The following MUSK variants were observed in gnomAD, a reference collection of about 807,000 sequenced individuals.
The protein encoded by MUSK is muscle associated receptor tyrosine kinase, also known as muscle, skeletal receptor tyrosine-protein kinase.
A neutral mutation model predicts 88.7 loss-of-function variants in MUSK; 55 were observed. The observed-to-expected ratio is 0.62, with a 90% CI of 0.50 to 0.78. MUSK has a LOEUF of 0.78. Ranked by LOEUF, MUSK falls within the 30% of genes least tolerant of loss-of-function variation. MUSK has a pLI of 0.00. For synonymous variants in MUSK, 387 were observed against 391.9 expected (o/e 0.99, Z 0.15); for missense variants, 1,015 against 1,074.3 (o/e 0.94, Z 0.77).
chr9:110,716,166 T>C (rs1049792191), intron 5 of MUSK, among the ~76,000 whole-genome samples: 1 of 149,966 alleles, frequency 6.7e-6, no homozygotes, highest in African/African-American at 2.5e-5. Flanking sequence ...AAAGAAAATA[T>C]TAGCTTGGTG....
At chr9:110,678,494 T>A (rs2076059114) in intron 1 of MUSK, among the ~76,000 whole-genome samples, 1 of 112,838 alleles carries the variant, frequency 8.9e-6, no homozygotes, top group Non-Finnish European at 1.8e-5. Context: ...AAGAGTTTTT[T>A]AAAACTTATC....
chr9:110,738,521 G>T (rs998926246), intron 6 of MUSK, among the ~76,000 whole-genome samples: 5 of 152,090 alleles, frequency 3.3e-5, no homozygotes, highest in African/African-American at 1.2e-4. Flanking sequence ...TAAGTGTCTA[G>T]TCCTAAGTAA....
chr9:110,774,269 A>G (rs1447938601), intron 9 of MUSK, among the ~76,000 whole-genome samples: 1 of 152,098 alleles, frequency 6.6e-6, no homozygotes, highest in Non-Finnish European at 1.5e-5. Context: ...TTTTCAATGA[A>G]GATTGTTAAG....
intron 11 of MUSK, among the ~76,000 whole-genome samples, chr9:110,779,194 C>T (rs552921292): frequency 4.6e-5 from 7 of 151,988 alleles, no homozygotes; most frequent in Non-Finnish European, 1.0e-4. Context: ...GTAACTTTAA[C>T]AGTTATTTAA....
At chr9:110,749,323 G>C (rs1161515622) in intron 7 of MUSK, among the ~76,000 whole-genome samples, 1 of 152,172 alleles carries the variant, frequency 6.6e-6, no homozygotes, top group East Asian at 1.9e-4. Flanking sequence ...AACAAGAGAG[G>C]CAGGATGTCA....
intron 1 of MUSK, among the ~76,000 whole-genome samples, chr9:110,681,036 T>TATATTATA (rs1237778437): frequency 8.9e-5 from 3 of 33,828 alleles, no homozygotes; most frequent in African/African-American, 1.6e-4. Context: ...ATATTATATA[T>TATATTATA]TATATAATAT....
chr9:110,740,604 CAGAT>C (rs1467204475), intron 6 of MUSK, among the ~76,000 whole-genome samples: 5 of 152,016 alleles, frequency 3.3e-5, no homozygotes, highest in Non-Finnish European at 5.9e-5. Flanking sequence ...AACTAAAAAA[CAGAT>C]AGCCTTAAAG....
At position 110,775,848 on chromosome 9, in the gene MUSK, G is replaced by C. The variant is rs558259191; in HGVS notation, c.1245G>C (p.Glu415Asp). ...FCAKEWLVMEEKTHRGLYRSE... is the reference protein window; with the variant it reads ...FCAKEWLVMEDKTHRGLYRSE... The stretch of plus-strand genomic sequence containing the variant: ...CAAAAGAATGGCTGGTAATGGAAGA[G>C]AAGACCCACAGAGGACTCTACAGAT... The change falls in exon 10 of 15, where the codon GAG becomes GAC. Residue 415 changes from glutamate (E) to aspartate (D), a missense_variant. Physicochemically the swap from Glu to Asp is conservative, Grantham distance 45. Transcript: ENST00000374448. The C allele has an allele frequency of 1.8e-5, 29 of 1,613,926 alleles. No homozygotes were observed. The African/African-American group carries it at 2.5e-4, about 14-fold the overall frequency.
intron 9 of MUSK, among the ~76,000 whole-genome samples, chr9:110,774,536 A>G (rs1307515857): frequency 1.3e-5 from 2 of 152,132 alleles, no homozygotes; most frequent in Non-Finnish European, 2.9e-5. Context: ...TTGTTTTCAT[A>G]TGTCCCATAT....
rs140415060 is a variant in MUSK at position 110,768,543 on chromosome 9, A to T, written c.1184+460A>T. 2.0e-5 allele frequency among the ~76,000 whole-genome samples: 3 copies of T among 152,322 alleles called. 1 individual carries two copies. Among genetic ancestry groups the T allele is most frequent in the African/African-American group, 7.2e-5 (3 of 41,586 alleles). ...AATCAGACAATATTTCTACCATATA[A>T]ATCACTAAAGATAACCTAAAATACA... On this transcript the variant is annotated intron_variant, in intron 9 of 14. Transcript: ENST00000374448.
At chr9:110,740,834 A>C (rs962378716) in intron 6 of MUSK, among the ~76,000 whole-genome samples, 2 of 152,160 alleles carry the variant, frequency 1.3e-5, no homozygotes, top group African/African-American at 2.4e-5. Flanking sequence ...CCCTTATTCA[A>C]AGGCGTCTCG....
At chr9:110,683,491 T>C (rs899910501) in intron 2 of MUSK, among the ~76,000 whole-genome samples, 1 of 152,128 alleles carries the variant, frequency 6.6e-6, no homozygotes, top group Admixed American at 6.6e-5. Flanking sequence ...TTTGCTTATA[T>C]ATGCAGCAGT....
chr9:110,736,387 G>A (rs2077030468), intron 6 of MUSK, among the ~76,000 whole-genome samples: 1 of 152,058 alleles, frequency 6.6e-6, no homozygotes, highest in African/African-American at 2.4e-5. Flanking sequence ...AAAGACATTT[G>A]AACAAAGATC....
In MUSK at chr9:110,701,683, TAC is replaced by T. The variant is rs2076509709; in HGVS notation, c.628+4218_628+4219del. On this transcript the variant is annotated intron_variant, in intron 5 of 14. Transcript: ENST00000374448. Reference sequence around the variant, plus strand: ...TTTATTTATTTTATTTTATTTTTTTTACTTTACTTTATTTTATTTTATTTTAT... The same window carrying T: ...TTTATTTATTTTATTTTATTTTTTTTTTTACTTTATTTTATTTTATTTTAT... 2.8e-4 allele frequency among the ~76,000 whole-genome samples: 2 copies of T among 7,054 alleles called. 1 individual carries two copies. Among genetic ancestry groups the T allele is most frequent in the South Asian group, 0.011 (2 of 186 alleles). The allele number at this position is 7,054 out of a possible 152,430, so 4.6% of individuals were successfully genotyped here.
In MUSK at chr9:110,692,344, C is replaced by CT. The variant is rs764256704; in HGVS notation, c.359-3051dup. Among the ~76,000 whole-genome samples the CT allele has an allele frequency of 1.1e-4, 16 of 151,588 alleles. No individual in the cohort carries two copies. In the East Asian group the frequency reaches 1.2e-3, roughly 11 times the overall value. ...CAGGCTACTTTTATTTATTTATTTACTTTTTTTTGGTAGAGATAAGTTCTC... is the reference window on the plus strand; with the variant it reads ...CAGGCTACTTTTATTTATTTATTTACTTTTTTTTTGGTAGAGATAAGTTCTC... On this transcript the variant is annotated intron_variant, in intron 3 of 14. Transcript: ENST00000374448.
intron 14 of MUSK, among the ~76,000 whole-genome samples, chr9:110,788,303 A>G (rs1029326943): frequency 1.3e-5 from 2 of 152,180 alleles, no homozygotes; most frequent in African/African-American, 2.4e-5. Flanking sequence ...TTTAGTTTGT[A>G]TTAATTACAC....
At chr9:110,725,252 G>A (rs759149399) in intron 5 of MUSK, among the ~76,000 whole-genome samples, 72 of 151,982 alleles carry the variant, frequency 4.7e-4, no homozygotes, top group Non-Finnish European at 6.5e-4. Context: ...TGGGGACTCA[G>A]GGGAAAAGAG....
rs1491424210 is a variant in MUSK at position 110,701,691 on chromosome 9, T to TA, written c.628+4225_628+4226insA. Among the ~76,000 whole-genome samples the TA allele has an allele frequency of 8.9e-3, 2 of 224 alleles. 1 individual carries two copies. Among genetic ancestry groups the TA allele is most frequent in the Admixed American group, 0.056 (2 of 36 alleles). The allele number at this position is 224 out of a possible 152,430, so 0.1% of individuals were successfully genotyped here. ...TTTTATTTTATTTTTTTTACTTTAC[T>TA]TTATTTTATTTTATTTTATTTTATT... is the stretch of plus-strand genomic sequence containing the variant. On this transcript the variant is annotated intron_variant, in intron 5 of 14. Coordinates refer to ENST00000374448, the MANE Select transcript of MUSK (RefSeq NM_005592.4).
At chr9:110,704,468 A>G (rs1469408835) in intron 5 of MUSK, among the ~76,000 whole-genome samples, 3 of 152,226 alleles carry the variant, frequency 2.0e-5, no homozygotes, top group African/African-American at 7.2e-5. Context: ...CATAGTGTGT[A>G]CTATATAATT....
Sources: allele counts gnomAD v4.1 joint callset (sites outside exome capture counted in the v4.1 genomes callset), GRCh38; gene constraint gnomAD v4.1.1; transcripts MANE v1.5; gene names NCBI Gene and HGNC (gene_info 2026-07-23, HGNC 2026-07-21).